Variants in HIPK2 observed in about 807,000 individuals in gnomAD.
HIPK2 encodes the protein homeodomain-interacting protein kinase 2.
HIPK2 carries 27 observed loss-of-function variants against 113.7 expected under a neutral mutation model. That is an observed-to-expected ratio of 0.24 (90% CI 0.17 to 0.33). The LOEUF (loss-of-function observed/expected upper bound fraction) is 0.33. Ranked by LOEUF, HIPK2 falls within the 10% of genes least tolerant of loss-of-function variation. HIPK2 has a pLI of 1.00. For synonymous variants in HIPK2, 631 were observed against 642.2 expected (o/e 0.98, Z 0.26); for missense variants, 1,257 against 1,588.0 (o/e 0.79, Z 3.54).
At chr7:139,700,563 A>G (rs1424391802) in intron 2 of HIPK2, among the ~76,000 whole-genome samples, 2 of 152,148 alleles carry the variant, frequency 1.3e-5, no homozygotes, top group Non-Finnish European at 2.9e-5. Flanking sequence ...CTTTGTGTAC[A>G]TCCACGCTGT....
At chr7:139,685,195 G>C (rs1266607863) in intron 2 of HIPK2, among the ~76,000 whole-genome samples, 3 of 152,142 alleles carry the variant, frequency 2.0e-5, no homozygotes, top group African/African-American at 7.2e-5. Context: ...GTTTGAGACA[G>C]GGTCTCACTC....
intron 2 of HIPK2, among the ~76,000 whole-genome samples, chr7:139,701,224 C>G (rs1436757744): frequency 6.6e-6 from 1 of 152,152 alleles, no homozygotes; most frequent in Non-Finnish European, 1.5e-5. Flanking sequence ...CTGGAGATTC[C>G]CTATCTACTT....
chr7:139,639,076 C>CT (rs1800915473), intron 2 of HIPK2, among the ~76,000 whole-genome samples: 1 of 152,174 alleles, frequency 6.6e-6, no homozygotes, highest in Non-Finnish European at 1.5e-5. Context: ...GAAGCTGCTT[C>CT]GTAAACAGCT....
At chr7:139,767,910 T>C (rs1796578914) in intron 1 of HIPK2, among the ~76,000 whole-genome samples, 1 of 152,230 alleles carries the variant, frequency 6.6e-6, no homozygotes, top group African/African-American at 2.4e-5. Flanking sequence ...CCTCCCAACA[T>C]GGGCTGTGCC....
chr7:139,596,776 G>A lies in HIPK2; in HGVS notation c.2658C>T (p.Ser886=), dbSNP rs553485530. 10 of 1,613,856 alleles carry A rather than the reference G, an allele frequency of 6.2e-6. No individual in the cohort carries two copies. Among genetic ancestry groups the A allele is most frequent in the East Asian group, 2.2e-5 (1 of 44,876 alleles). Residue 886 remains serine (S), a synonymous_variant, in exon 12 of 15, where the codon AGC becomes AGT. Transcript: ENST00000406875. ...VIPDTPSPTV[S]VITISSDTDE... ...CCGTGTCACTGCTGATGGTGATGAC[G>A]CTGACCGTGGGGCTGGGAGTGTCGG... is the stretch of plus-strand genomic sequence containing the variant.
intron 1 of HIPK2, among the ~76,000 whole-genome samples, chr7:139,764,604 G>A (rs1224724113): frequency 6.6e-6 from 1 of 152,192 alleles, no homozygotes; most frequent in Admixed American, 6.5e-5. Context: ...TATCCAAAGA[G>A]AGAGGTCCAG....
rs868338915 is a variant in HIPK2 at position 139,682,572 on chromosome 7, T to C, written c.1103+33360A>G. Among the ~76,000 whole-genome samples the C allele has an allele frequency of 3.3e-5, 5 of 152,294 alleles. No individual in the cohort carries two copies. In the East Asian group the frequency reaches 9.6e-4, roughly 29 times the overall value. The stretch of plus-strand genomic sequence containing the variant: ...CTGTGGTGGGTGGGGCCGTAATGAC[T>C]GTGCTTGACTGCTCCTCAAGAGCAG... On this transcript the variant is annotated intron_variant, in intron 2 of 14. Transcript: ENST00000406875.
chr7:139,770,199 TACAAAATA>T (rs1488085287), intron 1 of HIPK2, among the ~76,000 whole-genome samples: 1 of 152,222 alleles, frequency 6.6e-6, no homozygotes, highest in African/African-American at 2.4e-5. Context: ...TTTCATTAGA[TACAAAATA>T]AACAAATTTT....
intron 2 of HIPK2, among the ~76,000 whole-genome samples, chr7:139,682,012 C>T (rs781007643): frequency 1.6e-4 from 24 of 152,242 alleles, no homozygotes; most frequent in Non-Finnish European, 3.1e-4. Flanking sequence ...TCCTGTTACT[C>T]GTGCACGGCT....
chr7:139,604,683 CAAAAAAAAAAAA>C lies in HIPK2; in HGVS notation c.2113-472_2113-461del, dbSNP rs11353760. 2.0e-4 allele frequency among the ~76,000 whole-genome samples: 10 copies of C among 48,806 alleles called. No homozygotes were observed. In the East Asian group the frequency reaches 5.9e-3, roughly 29 times the overall value. 32.0% of individuals were successfully genotyped at this position (48,806 alleles called of 152,430 possible). On this transcript the variant is annotated intron_variant, in intron 9 of 14. Coordinates refer to ENST00000406875, the MANE Select transcript of HIPK2 (RefSeq NM_022740.5). ...TGGGCGACAGAGCGAGACTCCGTCT[CAAAAAAAAAAAA>C]AAAAAAAAAAAAAAGAACATATATG...
intron 2 of HIPK2, among the ~76,000 whole-genome samples, chr7:139,708,082 C>T (rs962052234): frequency 3.3e-5 from 5 of 152,128 alleles, no homozygotes; most frequent in South Asian, 2.1e-4. Context: ...GGGAGACAGA[C>T]GGACAGCTCA....
At chr7:139,581,086 G>A (rs1798652935) in intron 13 of HIPK2, among the ~76,000 whole-genome samples, 1 of 152,176 alleles carries the variant, frequency 6.6e-6, no homozygotes, top group Admixed American at 6.5e-5. Flanking sequence ...CGGGCGTGGT[G>A]GTGCATGCCG....
intron 6 of HIPK2, among the ~76,000 whole-genome samples, chr7:139,621,867 G>A (rs1302180414): frequency 1.4e-5 from 2 of 145,408 alleles, no homozygotes; most frequent in Non-Finnish European, 3.0e-5. Flanking sequence ...AGGCTACAGT[G>A]AGTCATGATT....
intron 6 of HIPK2, 95 bp from the exon 7 acceptor site, chr7:139,620,658 G>T: frequency 6.8e-7 from 1 of 1,463,844 alleles, no homozygotes; most frequent in Non-Finnish European, 9.3e-7. Context: ...AAGGAGAGAA[G>T]GGTTAATTCA....
rs372271606 is a variant in HIPK2 at position 139,583,866 on chromosome 7, C to G, written c.2916G>C (p.Leu972=). The G allele has an allele frequency of 1.7e-5, 28 of 1,613,088 alleles. No individual in the cohort carries two copies. In the African/African-American group the frequency reaches 2.9e-4, roughly 17 times the overall value. The change falls in exon 13 of 15, where the codon CTG becomes CTC. Residue 972 remains leucine (L), a synonymous_variant. Transcript: ENST00000406875. ...GNPRTIIVPP[L]KTQASEVLVE... ...CCAATACTTCGCTGGCCTGGGTTTTCAGGGGTGGCACGATGATGGTTCGGG... is the reference window on the plus strand; with the variant it reads ...CCAATACTTCGCTGGCCTGGGTTTTGAGGGGTGGCACGATGATGGTTCGGG...
chr7:139,689,562 T>C (rs79966879), intron 2 of HIPK2, among the ~76,000 whole-genome samples: 3,482 of 152,232 alleles, frequency 0.023, 125 homozygotes, highest in African/African-American at 0.079. Context: ...TTACCTTATG[T>C]CTGTTGATGG....
chr7:139,635,484 T>C (rs1800779804), intron 2 of HIPK2, among the ~76,000 whole-genome samples: 1 of 152,282 alleles, frequency 6.6e-6, no homozygotes. Context: ...AAAGGCACTT[T>C]AGTGATGTTC....
At chr7:139,628,916 A>C (rs1171903943) in intron 5 of HIPK2, 37 bp downstream of exon 5, 1 of 1,543,750 alleles carries the variant, frequency 6.5e-7, no homozygotes, top group African/African-American at 1.4e-5. Context: ...CCTTGGTTTT[A>C]AAGGGCTTAC....
chr7:139,623,102 A>C (rs1444717943), intron 6 of HIPK2, among the ~76,000 whole-genome samples: 1 of 152,174 alleles, frequency 6.6e-6, no homozygotes, highest in Non-Finnish European at 1.5e-5. Context: ...TTTACCCGTG[A>C]TATCAAAAGA....
Sources: gnomAD v4.1 joint callset for allele counts (sites outside exome capture counted in the v4.1 genomes callset) on GRCh38, gnomAD v4.1.1 for gene constraint, MANE v1.5 for transcripts, NCBI Gene and HGNC (gene_info 2026-07-23, HGNC 2026-07-21) for gene names.